The following ARHGAP35 variants were observed in gnomAD, a reference collection of about 807,000 sequenced individuals.
The protein encoded by ARHGAP35 is rho GTPase-activating protein 35.
Under a neutral mutation model 111.1 loss-of-function variants are expected in ARHGAP35, and 15 were observed. That is an observed-to-expected ratio of 0.13 (90% CI 0.09 to 0.21). The LOEUF (loss-of-function observed/expected upper bound fraction) is 0.21. Ranked by LOEUF, ARHGAP35 falls within the 10% of genes least tolerant of loss-of-function variation. The probability of loss-of-function intolerance (pLI) is 1.00; values close to 1 mark genes in which losing one functional copy is unlikely to be tolerated. For missense variants in ARHGAP35, 1,262 were observed against 1,873.0 expected, an observed-to-expected ratio of 0.67 and a Z score of 6.02; for synonymous variants, 643 against 710.3, an observed-to-expected ratio of 0.91 and a Z score of 1.51.
In ARHGAP35 at chr19:46,922,457, A is replaced by G; in HGVS notation, c.3681+101A>G. Reference sequence around the variant, plus strand: ...AAGGACAACCTATTCTGGTAAAAAAAAAACTGCCCTGTGTGTGTATTTGAC... The same window carrying G: ...AAGGACAACCTATTCTGGTAAAAAAGAAACTGCCCTGTGTGTGTATTTGAC... On this transcript the variant is annotated intron_variant, in intron 2 of 6. Transcript: ENST00000672722. This position sits in a 1 kb window ranked among gnomAD's most constrained non-coding sequence, Gnocchi z 4.0. 8.4e-7 allele frequency: 1 copy of G among 1,193,314 alleles called. No individual in the cohort carries two copies. Among genetic ancestry groups the G allele is most frequent in the Non-Finnish European group, 1.1e-6 (1 of 883,274 alleles). 73.9% of individuals were successfully genotyped at this position (1,193,314 alleles called of 1,614,324 possible).
intron 1 of ARHGAP35, among the ~76,000 whole-genome samples, chr19:46,904,548 TACAAAGACTGGGCCTG>T (rs1407438156): frequency 1.3e-5 from 2 of 152,178 alleles, no homozygotes; most frequent in Non-Finnish European, 1.5e-5. Context: ...ACCATGAAAT[TACAAAGACTGGGCCTG>T]ACAAGGCCTT....
intron 3 of ARHGAP35, among the ~76,000 whole-genome samples, chr19:46,938,116 G>A (rs1178287860): frequency 1.3e-5 from 2 of 152,172 alleles, no homozygotes; most frequent in African/African-American, 4.8e-5. Context: ...ATTCGGAGTT[G>A]GGCTCAGGAA....
intron 3 of ARHGAP35, among the ~76,000 whole-genome samples, chr19:46,944,083 C>G (rs1286679379): frequency 6.6e-6 from 1 of 152,080 alleles, no homozygotes; most frequent in Non-Finnish European, 1.5e-5. Context: ...GAGTAGCATT[C>G]AAGCCCATTA....
At position 46,938,342 on chromosome 19, in the gene ARHGAP35, ATTTTAT is replaced by A. The variant is rs565892354; in HGVS notation, c.3826+957_3826+962del. Among the ~76,000 whole-genome samples the A allele has an allele frequency of 1.2e-3, 182 of 152,086 alleles. 4 individuals are homozygous for A. The Middle Eastern group carries it at 0.031, about 26-fold the overall frequency. On this transcript the variant is annotated intron_variant, in intron 3 of 6. Transcript: ENST00000672722. ...AGCAGGGAAGATGGCTTTATTTATTATTTTATTTTTATTTTTATTTTTATTTTTTGA... is the reference window on the plus strand; with the variant it reads ...AGCAGGGAAGATGGCTTTATTTATTATTTTATTTTTATTTTTATTTTTTGA...
intron 1 of ARHGAP35, among the ~76,000 whole-genome samples, chr19:46,873,647 AAAAG>A (rs1351240676): frequency 6.6e-6 from 1 of 151,760 alleles, no homozygotes; most frequent in Non-Finnish European, 1.5e-5. Flanking sequence ...AAAAAAAAAA[AAAAG>A]CCGTCGGTCA....
chr19:46,898,775 AGCTGCTGCTGCTGCT>A (rs112008743), intron 1 of ARHGAP35, among the ~76,000 whole-genome samples: 43 of 150,800 alleles, frequency 2.9e-4, no homozygotes, highest in East Asian at 3.9e-4. Flanking sequence ...TGCACAGATG[AGCTGCTGCTGCTGCT>A]GCTGCTGCTG....
intron 3 of ARHGAP35, among the ~76,000 whole-genome samples, chr19:46,938,685 G>A (rs1469588700): frequency 1.4e-5 from 2 of 146,114 alleles, no homozygotes; most frequent in Non-Finnish European, 3.0e-5. Context: ...TTGAGATGGA[G>A]TCTCTCTCTG....
Position 46,999,308 on chromosome 19 carries a change from C to A in ARHGAP35, c.4041C>A (p.Ile1347=). The A allele has an allele frequency of 6.3e-7, 1 of 1,581,768 alleles. No homozygotes were observed. Among genetic ancestry groups the A allele is most frequent in the Non-Finnish European group, 8.6e-7 (1 of 1,163,736 alleles). ...TTTGGTTTTCTCTCTCCTCAGAAAT[C>A]AACGACCGGGAGCAGAAGTTGCATG... ...MQIDLVEAHK[I]NDREQKLHAL... Residue 1347 remains isoleucine (I), a synonymous_variant, in exon 6 of 7, where the codon ATC becomes ATA. Coordinates refer to ENST00000672722, the MANE Select transcript of ARHGAP35 (RefSeq NM_004491.5). The surrounding 1 kb of genome is among the most constrained non-coding windows in gnomAD (Gnocchi z 5.4).
rs1417170743 is a variant in ARHGAP35, at chr19:46,952,836, GC to G, written c.3826+15431del. On this transcript the variant is annotated intron_variant, in intron 3 of 6. Coordinates refer to ENST00000672722, the MANE Select transcript of ARHGAP35 (RefSeq NM_004491.5). ...TGGGACCACAGGTGTGTGCCACCAC[GC>G]CCAGCAGTTTTTGTATTTTTTGTAG... is the stretch of plus-strand genomic sequence containing the variant. Among the ~76,000 whole-genome samples, 3 of 152,208 alleles carry G rather than the reference GC, an allele frequency of 2.0e-5. No individual in the cohort carries two copies. In the East Asian group the frequency reaches 5.8e-4, roughly 29 times the overall value.
intron 3 of ARHGAP35, among the ~76,000 whole-genome samples, chr19:46,980,700 T>G (rs2056616127): frequency 6.6e-6 from 1 of 152,198 alleles, no homozygotes; most frequent in African/African-American, 2.4e-5. Context: ...CATTGTGCAG[T>G]GGACTGTGCA....
At chr19:46,936,607 G>A (rs2056308932) in intron 2 of ARHGAP35, among the ~76,000 whole-genome samples, 1 of 152,072 alleles carries the variant, frequency 6.6e-6, no homozygotes, top group Admixed American at 6.5e-5. Flanking sequence ...CTTGTAGGGT[G>A]TTTGGAAAAC....
Position 46,920,193 on chromosome 19 carries a change from G to A in ARHGAP35, c.1518G>A (p.Leu506=). 1.2e-6 allele frequency: 2 copies of A among 1,613,936 alleles called. No individual in the cohort carries two copies. Among genetic ancestry groups the A allele is most frequent in the African/African-American group, 2.7e-5 (2 of 75,034 alleles). The stretch of plus-strand genomic sequence containing the variant: ...AATATTCAGAATTGTTTTATGAACT[G>A]GAGCTGGATGCTAAGCCCAGCAAGG... ...LLEYSELFYE[L]ELDAKPSKEK... Residue 506 remains leucine, a synonymous_variant, in exon 2 of 7, where the codon CTG becomes CTA. Coordinates refer to ENST00000672722, the MANE Select transcript of ARHGAP35 (RefSeq NM_004491.5). This position sits in a 1 kb window ranked among gnomAD's most constrained non-coding sequence, Gnocchi z 7.0.
At chr19:46,970,249 C>T (rs566520289) in intron 3 of ARHGAP35, among the ~76,000 whole-genome samples, 31 of 152,278 alleles carry the variant, frequency 2.0e-4, no homozygotes, top group African/African-American at 7.5e-4. Context: ...ATATATTGCA[C>T]ACAAGCTGTG....
intron 3 of ARHGAP35, among the ~76,000 whole-genome samples, chr19:46,973,960 C>T (rs1454424186): frequency 6.6e-6 from 1 of 151,970 alleles, no homozygotes; most frequent in Non-Finnish European, 1.5e-5. Context: ...TGCGCCACTG[C>T]ACTCCAGCCT....
intron 2 of ARHGAP35, among the ~76,000 whole-genome samples, chr19:46,936,597 C>T (rs1441859412): frequency 2.0e-5 from 3 of 151,950 alleles, no homozygotes; most frequent in Non-Finnish European, 4.4e-5. Flanking sequence ...ATCTATTATC[C>T]TTGTAGGGTG....
intron 3 of ARHGAP35, among the ~76,000 whole-genome samples, chr19:46,975,242 G>C (rs376159365): frequency 2.4e-4 from 36 of 152,246 alleles, no homozygotes; most frequent in African/African-American, 8.4e-4. Context: ...GGGGAACTCT[G>C]TGCTAGGAGC....
At chr19:46,861,514 C>G (rs2055827100) in intron 1 of ARHGAP35, among the ~76,000 whole-genome samples, 1 of 140,088 alleles carries the variant, frequency 7.1e-6, no homozygotes, top group Non-Finnish European at 1.6e-5. Flanking sequence ...CGGAGCCTAC[C>G]CGACTTCAGC....
At chr19:46,862,544 G>C (rs910644648) in intron 1 of ARHGAP35, among the ~76,000 whole-genome samples, 2 of 151,772 alleles carry the variant, frequency 1.3e-5, no homozygotes, top group African/African-American at 4.8e-5. Flanking sequence ...GCATCTCACA[G>C]ACCTGCCCCT....
At chr19:46,924,410 CAG>C (rs1364571836) in intron 2 of ARHGAP35, among the ~76,000 whole-genome samples, 1 of 152,188 alleles carries the variant, frequency 6.6e-6, no homozygotes, top group Non-Finnish European at 1.5e-5. Flanking sequence ...CAGGAGCTTC[CAG>C]AGTTTTCTCA....
Sources: gnomAD v4.1 joint callset for allele counts (sites outside exome capture counted in the v4.1 genomes callset) on GRCh38, gnomAD v4.1.1 for gene constraint, Gnocchi (gnomAD v3.1) non-coding constraint, MANE v1.5 for transcripts, NCBI Gene and HGNC (gene_info 2026-07-23, HGNC 2026-07-21) for gene names.